Variants in RRAGC observed in about 807,000 individuals in gnomAD.
The protein encoded by RRAGC is ras-related GTP-binding protein C.
RRAGC carries 8 observed loss-of-function variants against 37.1 expected under a neutral mutation model. That is an observed-to-expected ratio of 0.22 (90% CI 0.13 to 0.39). The LOEUF is 0.39. Ranked by LOEUF, RRAGC falls within the 10% of genes least tolerant of loss-of-function variation. The probability of loss-of-function intolerance (pLI) is 1.00; values close to 1 mark genes in which losing one functional copy is unlikely to be tolerated. For missense variants in RRAGC, 342 were observed against 497.6 expected (o/e 0.69, Z 2.98); for synonymous variants, 190 against 181.1 (o/e 1.05, Z -0.39).
At chr1:38,856,131 A>C (rs1570871125) in intron 2 of RRAGC, among the ~76,000 whole-genome samples, 1 of 152,194 alleles carries the variant, frequency 6.6e-6, no homozygotes, top group South Asian at 2.1e-4. Flanking sequence ...ATATTAATTT[A>C]AGAAAGAAAA....
chr1:38,841,966 C>T (rs544382491), intron 6 of RRAGC, among the ~76,000 whole-genome samples: 1 of 152,306 alleles, frequency 6.6e-6, no homozygotes, highest in South Asian at 2.1e-4. Context: ...GAAACCCCAT[C>T]TCTACTAAAA....
chr1:38,852,181 C>G (rs940611013), intron 4 of RRAGC, among the ~76,000 whole-genome samples, 193 bp downstream of exon 4: 3 of 152,188 alleles, frequency 2.0e-5, no homozygotes, highest in Non-Finnish European at 2.9e-5. Flanking sequence ...ACGTTGACAT[C>G]AACATCTATT....
intron 1 of RRAGC, 143 bp downstream of exon 1, chr1:38,859,267 G>A (rs2124237976): frequency 2.5e-6 from 2 of 815,784 alleles, no homozygotes; most frequent in East Asian, 2.8e-5. Context: ...CGCGGGCCGC[G>A]CCTGTGCGCT....
In RRAGC at chr1:38,851,875, A is replaced by G. The variant is rs557103546; in HGVS notation, c.757-118T>C. 24 of 819,146 alleles carry G rather than the reference A, an allele frequency of 2.9e-5. No homozygotes were observed. In the South Asian group the frequency reaches 4.1e-4, roughly 14 times the overall value. The allele number at this position is 819,146 out of a possible 1,614,324, so 50.7% of individuals were successfully genotyped here. ...GTCATTTTTAATTATATAACCCAAT[A>G]CCAAAAAACAAATAGCACTTGCTTG... On this transcript the variant is annotated intron_variant, in intron 4 of 6. Transcript: ENST00000373001.
intron 6 of RRAGC, among the ~76,000 whole-genome samples, chr1:38,842,968 G>A (rs1441244196): frequency 1.3e-5 from 2 of 152,222 alleles, no homozygotes; most frequent in Admixed American, 1.3e-4. Flanking sequence ...TAGACATGAA[G>A]TGAAAAAATA....
chr1:38,844,433 A>T (rs1373740370), intron 6 of RRAGC, among the ~76,000 whole-genome samples: 3 of 150,722 alleles, frequency 2.0e-5, no homozygotes, highest in African/African-American at 4.9e-5. Flanking sequence ...CTTGGCTCTG[A>T]CAAACAGGAC....
In RRAGC at chr1:38,838,379, T is replaced by G. The variant is rs1641908965; in HGVS notation, c.*1174A>C. The G allele has an allele frequency of 6.6e-6, 1 of 152,248 alleles. No individual in the cohort carries two copies. The highest frequency in any genetic ancestry group is 2.4e-5 in the African/African-American group (1 of 41,474). 9.4% of individuals were successfully genotyped at this position (152,248 alleles called of 1,614,324 possible). A position where few individuals can be genotyped will look rare whatever the true frequency, so the allele number is the denominator to read the frequency against. On this transcript the variant is annotated 3_prime_UTR_variant, in exon 7 of 7. Transcript: ENST00000373001. ...GCTTTACAGACCTGAATATACATAT[T>G]GCATTAAACAGTGGCACTTATGTAC...
Position 38,839,601 on chromosome 1 carries a change from G to A in RRAGC, c.1152C>T (p.Ser384=). 1.2e-6 allele frequency: 2 copies of A among 1,614,072 alleles called. No homozygotes were observed. The highest frequency in any genetic ancestry group is 2.2e-5 in the South Asian group (2 of 91,078). Residue 384 remains serine (S), a synonymous_variant, in exon 7 of 7, where the codon TCC becomes TCT. Coordinates refer to ENST00000373001, the MANE Select transcript of RRAGC (RefSeq NM_022157.4). ...HRSCGHQTSA[S]SLKALTHNGT... Reference sequence around the variant, plus strand: ...CATTGTGTGTCAGCGCTTTCAGACTGGAGGCACTAGTCTGGTGACCACAGC... The same window carrying A: ...CATTGTGTGTCAGCGCTTTCAGACTAGAGGCACTAGTCTGGTGACCACAGC...
rs943440371 is a variant in RRAGC at position 38,838,470 on chromosome 1, G to T, written c.*1083C>A. 1 of 152,178 alleles carries T rather than the reference G, an allele frequency of 6.6e-6. No individual in the cohort carries two copies. The highest frequency in any genetic ancestry group is 2.4e-5 in the African/African-American group (1 of 41,436). The allele number at this position is 152,178 out of a possible 1,614,324, so 9.4% of individuals were successfully genotyped here. On this transcript the variant is annotated 3_prime_UTR_variant, in exon 7 of 7. Transcript: ENST00000373001. ...ATGTGGAATAGAAATAATGTGTTAG[G>T]TTTAAATCAATGGAAAGGGTATCAA...
intron 5 of RRAGC, 74 bp from the exon 6 acceptor site, chr1:38,846,161 C>T: frequency 2.6e-6 from 3 of 1,172,404 alleles, no homozygotes; most frequent in Non-Finnish European, 3.7e-6. Flanking sequence ...TGCACAATGA[C>T]ATCCACCCAG....
rs3072435 is a variant in RRAGC, at chr1:38,850,512, TAATAAATAAATA to T, written c.899+1091_899+1102del. On this transcript the variant is annotated intron_variant, in intron 5 of 6. Transcript: ENST00000373001. ...CTGGGCGACGGAGCAAGACTCCGTT[TAATAAATAAATA>T]AATAAATAAATAAATAAATAACAAA... Among the ~76,000 whole-genome samples the T allele has an allele frequency of 4.9e-4, 73 of 147,906 alleles. 1 individual carries two copies. The highest frequency in any genetic ancestry group is 3.2e-3 in the Admixed American group (47 of 14,872).
chr1:38,850,512 T>TAATAAATA (rs3072435), intron 5 of RRAGC, among the ~76,000 whole-genome samples: 2,921 of 147,852 alleles, frequency 0.02, 40 homozygotes, highest in East Asian at 0.045. Context: ...AGACTCCGTT[T>TAATAAATA]AATAAATAAA....
At chr1:38,844,738 C>T (rs1307480509) in intron 6 of RRAGC, among the ~76,000 whole-genome samples, 6 of 152,116 alleles carry the variant, frequency 3.9e-5, no homozygotes, top group African/African-American at 9.7e-5. Flanking sequence ...ATCTGACAAA[C>T]GGCTAATATC....
Position 38,845,795 on chromosome 1 carries a change from G to A in RRAGC, c.1048+144C>T, listed in dbSNP as rs999854792. 6.5e-6 allele frequency: 4 copies of A among 619,524 alleles called. No homozygotes were observed. In the African/African-American group the frequency reaches 7.6e-5, roughly 12 times the overall value. 38.4% of individuals were successfully genotyped at this position (619,524 alleles called of 1,614,324 possible). ...GAGAAAGTCTGGACTATACATGGAAGGAAAGGGACAAAAGCAGTTTGAGCT... is the reference window on the plus strand; with the variant it reads ...GAGAAAGTCTGGACTATACATGGAAAGAAAGGGACAAAAGCAGTTTGAGCT... On this transcript the variant is annotated intron_variant, in intron 6 of 6. Transcript: ENST00000373001.
intron 6 of RRAGC, among the ~76,000 whole-genome samples, chr1:38,842,566 G>T (rs965483922): frequency 6.6e-5 from 10 of 152,168 alleles, no homozygotes; most frequent in Non-Finnish European, 1.2e-4. Flanking sequence ...ACAGACCGGT[G>T]CCAGCCAGGG....
In RRAGC at chr1:38,846,050, C is replaced by CT; in HGVS notation, c.936dup (p.Glu313ArgfsTer10). The CT allele has an allele frequency of 1.2e-6, 2 of 1,611,028 alleles. No homozygotes were observed. Among genetic ancestry groups the CT allele is most frequent in the Non-Finnish European group, 1.7e-6 (2 of 1,178,150 alleles). ...TTCAGCTTGATAATTGCCATAGATT[C>CT]TTTGTCATAAGCACTTCCACTTCCA... On this transcript the variant is annotated frameshift_variant, in exon 6 of 7. Transcript: ENST00000373001. LOFTEE classifies it high-confidence loss of function.
intron 5 of RRAGC, among the ~76,000 whole-genome samples, chr1:38,849,675 T>TGA (rs1642072595): frequency 6.6e-6 from 1 of 151,762 alleles, no homozygotes; most frequent in East Asian, 2.0e-4. Context: ...GCGACAAGAG[T>TGA]GAGACTCTGT....
intron 3 of RRAGC, among the ~76,000 whole-genome samples, chr1:38,854,065 C>CTT (rs58058501): frequency 5.3e-5 from 4 of 74,804 alleles, no homozygotes; most frequent in East Asian, 6.1e-4. Flanking sequence ...AAATAAAAGT[C>CTT]TTTTTTTTTT....
At position 38,852,922 on chromosome 1, in the gene RRAGC, C is replaced by G. The variant is rs2124229107; in HGVS notation, c.642-434G>C. On this transcript the variant is annotated intron_variant, in intron 3 of 6. Transcript: ENST00000373001. The stretch of plus-strand genomic sequence containing the variant: ...AAAAGTTCTTTCCAGACCAGCCTAC[C>G]TAAAATAGCACTCGTGTACCCAAGG... Among the ~76,000 whole-genome samples the G allele has an allele frequency of 2.6e-5, 4 of 152,248 alleles. 1 individual carries two copies. In the Middle Eastern group the frequency reaches 0.014, roughly 518 times the overall value.
Sources: gnomAD v4.1 joint callset for allele counts (sites outside exome capture counted in the v4.1 genomes callset) on GRCh38, gnomAD v4.1.1 for gene constraint, MANE v1.5 for transcripts, NCBI Gene and HGNC (gene_info 2026-07-23, HGNC 2026-07-21) for gene names.